Variants in TRPM3 observed in about 807,000 individuals in gnomAD.
The protein encoded by TRPM3 is long transient receptor potential channel 3.
Under a neutral mutation model 181.2 loss-of-function variants are expected in TRPM3, and 77 were observed. The ratio of observed to expected loss-of-function variants is 0.42; its 90% CI spans 0.35 to 0.51. TRPM3 has a LOEUF of 0.51. Ranked by LOEUF, TRPM3 falls within the 20% of genes least tolerant of loss-of-function variation. The pLI is 0.01. For synonymous variants in TRPM3, 745 were observed against 796.4 expected (o/e 0.94, Z 1.09); for missense variants, 1,759 against 2,196.7 (o/e 0.80, Z 3.98).
intron 1 of TRPM3, among the ~76,000 whole-genome samples, chr9:71,376,076 C>G (rs2092658876): frequency 6.6e-6 from 1 of 151,982 alleles, no homozygotes; most frequent in Non-Finnish European, 1.5e-5. Context: ...TACTGCCTGA[C>G]AAGACTATAA....
intron 6 of TRPM3, 107 bp downstream of exon 6, chr9:70,827,740 T>C: frequency 7.2e-7 from 1 of 1,388,152 alleles, no homozygotes; most frequent in Non-Finnish European, 9.9e-7. Flanking sequence ...TGGTTCATGT[T>C]TAAAACTTGC....
intron 1 of TRPM3, among the ~76,000 whole-genome samples, chr9:71,169,288 G>A (rs968088459): frequency 2.0e-5 from 3 of 152,088 alleles, no homozygotes; most frequent in African/African-American, 7.2e-5. Flanking sequence ...TGACCCTCAG[G>A]CCTCCAGTCT....
chr9:71,293,793 C>G (rs1427233828), intron 1 of TRPM3, among the ~76,000 whole-genome samples: 1 of 151,842 alleles, frequency 6.6e-6, no homozygotes, highest in African/African-American at 2.4e-5. Context: ...GTTATTAAGA[C>G]TTATTATAAA....
intron 1 of TRPM3, among the ~76,000 whole-genome samples, chr9:71,415,813 T>C (rs1199791836): frequency 4.6e-5 from 7 of 151,924 alleles, no homozygotes; most frequent in African/African-American, 1.4e-4. Context: ...TCTAGATTTA[T>C]GGTACAAAGA....
intron 1 of TRPM3, among the ~76,000 whole-genome samples, chr9:71,272,919 G>A (rs2083916620): frequency 6.6e-6 from 1 of 151,192 alleles, no homozygotes; most frequent in East Asian, 1.9e-4. Context: ...CTGTTCCACA[G>A]GGTGGAGTGC....
rs200717715 is a variant in TRPM3 at position 71,317,693 on chromosome 9, A to G, written c.183+128960T>C. Among the ~76,000 whole-genome samples, 710 of 143,774 alleles carry G rather than the reference A, an allele frequency of 4.9e-3. 2 individuals carry two copies. The highest frequency in any genetic ancestry group is 0.011 in the Middle Eastern group (3 of 284). 94.3% of individuals were successfully genotyped at this position (143,774 alleles called of 152,430 possible). On this transcript the variant is annotated intron_variant, in intron 1 of 24. Coordinates refer to the TRPM3 transcript ENST00000357533. Reference sequence around the variant, plus strand: ...TATATATATATACACACACACACACACGCGCACACGCGCGAGAGAGAAGGT... The same window carrying G: ...TATATATATATACACACACACACACGCGCGCACACGCGCGAGAGAGAAGGT...
upstream of TRPM3, among the ~76,000 whole-genome samples, chr9:71,122,862 T>C (rs1267074594): frequency 6.6e-6 from 1 of 152,200 alleles, no homozygotes; most frequent in African/African-American, 2.4e-5. Flanking sequence ...CCAAACAATA[T>C]CACTTTAATA....
At chr9:70,742,154 T>G (rs2134851014) in intron 8 of TRPM3, among the ~76,000 whole-genome samples, 1 of 152,220 alleles carries the variant, frequency 6.6e-6, no homozygotes, top group Admixed American at 6.6e-5. Context: ...TGTTATTAAG[T>G]GAAAAATTCA....
rs932567389 is a variant in TRPM3 at position 70,532,369 on chromosome 9, T to C, written c.*3584A>G. 1.3e-5 allele frequency: 2 copies of C among 152,206 alleles called. No homozygotes were observed. Among genetic ancestry groups the C allele is most frequent in the Non-Finnish European group, 2.9e-5 (2 of 68,032 alleles). The allele number at this position is 152,206 out of a possible 1,614,324, so 9.4% of individuals were successfully genotyped here. On this transcript the variant is annotated 3_prime_UTR_variant, in exon 26 of 26. Coordinates refer to ENST00000677713, the MANE Select transcript of TRPM3 (RefSeq NM_001366145.2). ...TTTTTCTCGTTTGATTATTCTTATA[T>C]ATATATTTTAAAAGGGGAACTTTCA...
intron 9 of TRPM3, among the ~76,000 whole-genome samples, chr9:70,668,154 C>T (rs11142538): frequency 0.014 from 2,060 of 152,256 alleles, 24 homozygotes; most frequent in Non-Finnish European, 0.02. Context: ...CCTTAACAGT[C>T]GATCATGGCC....
At chr9:70,880,267 A>G (rs1348046087) in intron 1 of TRPM3, among the ~76,000 whole-genome samples, 1 of 152,124 alleles carries the variant, frequency 6.6e-6, no homozygotes, top group Middle Eastern at 3.2e-3. Flanking sequence ...GTTAAACAGT[A>G]TAATTGCCCA....
At chr9:71,060,112 G>C (rs1225988642) in intron 1 of TRPM3, among the ~76,000 whole-genome samples, 1 of 152,098 alleles carries the variant, frequency 6.6e-6, no homozygotes, top group Non-Finnish European at 1.5e-5. Flanking sequence ...AAGGTTAGAA[G>C]TTATAGCAGG....
At chr9:71,199,804 T>A (rs2078658626) in intron 1 of TRPM3, among the ~76,000 whole-genome samples, 1 of 151,956 alleles carries the variant, frequency 6.6e-6, no homozygotes, top group African/African-American at 2.4e-5. Context: ...TCAATTTTGT[T>A]GATCCTTTCA....
intron 20 of TRPM3, among the ~76,000 whole-genome samples, chr9:70,601,224 G>A (rs1156750997): frequency 1.3e-5 from 2 of 152,180 alleles, no homozygotes; most frequent in African/African-American, 4.8e-5. Flanking sequence ...GTCGGCGGGG[G>A]TAGGATCCAG....
intron 20 of TRPM3, 130 bp from the exon 21 acceptor site, chr9:70,598,800 G>A (rs1419264955): frequency 1.7e-6 from 2 of 1,147,582 alleles, no homozygotes; most frequent in Non-Finnish European, 2.5e-6. Context: ...TTAAATACTT[G>A]CATGCTGTAA....
intron 1 of TRPM3, among the ~76,000 whole-genome samples, chr9:70,938,104 A>G (rs2133504714): frequency 1.3e-5 from 2 of 152,278 alleles, no homozygotes; most frequent in Middle Eastern, 3.4e-3. Context: ...CTGTATCACT[A>G]TTACTGTGCA....
At chr9:70,818,284 C>T (rs938261419) in intron 6 of TRPM3, among the ~76,000 whole-genome samples, 3 of 152,164 alleles carry the variant, frequency 2.0e-5, no homozygotes, top group African/African-American at 4.8e-5. Context: ...ATATTAGCCC[C>T]CTGGCCTATT....
At chr9:70,872,656 T>A (rs1313609650) in intron 1 of TRPM3, among the ~76,000 whole-genome samples, 2 of 151,968 alleles carry the variant, frequency 1.3e-5, no homozygotes, top group Admixed American at 6.6e-5. Context: ...CCCACTAGAA[T>A]ATAAGTTCCT....
intron 1 of TRPM3, among the ~76,000 whole-genome samples, chr9:71,352,635 T>C (rs908401134): frequency 1.3e-5 from 2 of 152,214 alleles, no homozygotes; most frequent in African/African-American, 4.8e-5. Flanking sequence ...TGCAGCTTTT[T>C]GCCACAAGTC....
Sources: allele counts gnomAD v4.1 joint callset (sites outside exome capture counted in the v4.1 genomes callset), GRCh38; gene constraint gnomAD v4.1.1; transcripts MANE v1.5; gene names NCBI Gene and HGNC (gene_info 2026-07-23, HGNC 2026-07-21).